Variants in HMGXB3 observed in about 807,000 individuals in gnomAD.
HMGXB3 encodes the protein HMG domain-containing protein 3.
Under a neutral mutation model 121.5 loss-of-function variants are expected in HMGXB3, and 45 were observed. That is an observed-to-expected ratio of 0.37 (90% CI 0.29 to 0.47). HMGXB3 has a LOEUF of 0.47. Among genes scored for constraint, HMGXB3 ranks in the 20% least tolerant of loss-of-function variants. The probability of loss-of-function intolerance (pLI) is 0.99; values close to 1 mark genes in which losing one functional copy is unlikely to be tolerated. For synonymous variants in HMGXB3, 590 were observed against 624.1 expected, an observed-to-expected ratio of 0.95 and a Z score of 0.81; for missense variants, 1,376 against 1,602.2, an observed-to-expected ratio of 0.86 and a Z score of 2.41.
In HMGXB3 at chr5:150,024,743, G is replaced by A. The variant is rs1485925941; in HGVS notation, c.1460+63G>A. The A allele has an allele frequency of 3.3e-5, 45 of 1,346,738 alleles. No homozygotes were observed. The South Asian group carries it at 6.4e-4, about 19-fold the overall frequency. 83.4% of individuals were successfully genotyped at this position (1,346,738 alleles called of 1,614,324 possible). ...ATGCCCCATGTTTCTTTTATCTCATGTCTGTACAGCATGCCTGAGAGAGGC... is the reference window on the plus strand; with the variant it reads ...ATGCCCCATGTTTCTTTTATCTCATATCTGTACAGCATGCCTGAGAGAGGC... On this transcript the variant is annotated intron_variant, in intron 7 of 19. Coordinates refer to ENST00000502717, the MANE Select transcript of HMGXB3 (RefSeq NM_014983.3).
Position 150,016,341 on chromosome 5 carries a change from A to C in HMGXB3, c.910-2225A>C, listed in dbSNP as rs1755959336. Among the ~76,000 whole-genome samples, 3 of 32,052 alleles carry C rather than the reference A, an allele frequency of 9.4e-5. No individual in the cohort carries two copies. In the South Asian group the frequency reaches 3.7e-3, roughly 39 times the overall value. 21.0% of individuals were successfully genotyped at this position (32,052 alleles called of 152,430 possible). ...GAGCAACAGAGTGAGACTCTGTCTC[A>C]AAAAAAAAAAAAAAAAAAAAGGAGG... is the stretch of plus-strand genomic sequence containing the variant. On this transcript the variant is annotated intron_variant, in intron 5 of 19. Transcript: ENST00000502717.
chr5:150,046,071 T>C (rs1409130283), intron 16 of HMGXB3, among the ~76,000 whole-genome samples: 1 of 152,208 alleles, frequency 6.6e-6, no homozygotes, highest in Non-Finnish European at 1.5e-5. Flanking sequence ...GCTAGTTTTA[T>C]GGATTAGACA....
chr5:150,018,831 GTA>G lies in HMGXB3; in HGVS notation c.1041+139_1041+140del, dbSNP rs1203132652. ...ACTATACAAGTAAATCATTTCCATTGTATATAGTTTGTTTAAAAAATACAAAA... is the reference window on the plus strand; with the variant it reads ...ACTATACAAGTAAATCATTTCCATTGTATAGTTTGTTTAAAAAATACAAAA... On this transcript the variant is annotated intron_variant, in intron 6 of 19. Transcript: ENST00000502717. The G allele has an allele frequency of 1.1e-5, 9 of 824,554 alleles. No homozygotes were observed. In the South Asian group the frequency reaches 2.1e-4, roughly 19 times the overall value. 51.1% of individuals were successfully genotyped at this position (824,554 alleles called of 1,614,324 possible). A position where few individuals can be genotyped will look rare whatever the true frequency, so the allele number is the denominator to read the frequency against.
At chr5:150,018,796 T>A in intron 6 of HMGXB3, 99 bp downstream of exon 6, 1 of 1,146,788 alleles carries the variant, frequency 8.7e-7, no homozygotes, top group Non-Finnish European at 1.2e-6. Flanking sequence ...ACATTTGTTT[T>A]TACTGTCTGA....
intron 16 of HMGXB3, 196 bp from the exon 17 acceptor site, chr5:150,047,428 C>A: frequency 1.7e-6 from 1 of 595,646 alleles, no homozygotes; most frequent in Non-Finnish European, 2.9e-6. Context: ...CTCAGATGTT[C>A]CAGGGCAGAA....
intron 5 of HMGXB3, 79 bp downstream of exon 5, chr5:150,012,432 C>A: frequency 3.1e-6 from 3 of 956,794 alleles, no homozygotes; most frequent in Non-Finnish European, 4.9e-6. Flanking sequence ...GTCTTTTTTT[C>A]TTTCTGAGCT....
intron 4 of HMGXB3, among the ~76,000 whole-genome samples, chr5:150,011,424 G>T (rs1361283873): frequency 1.3e-5 from 2 of 152,112 alleles, no homozygotes; most frequent in East Asian, 3.9e-4. Flanking sequence ...TCAGAGATGG[G>T]AGTCTTTCTG....
Position 150,041,773 on chromosome 5 carries a change from C to T in HMGXB3, c.2546-12C>T. The T allele has an allele frequency of 6.5e-7, 1 of 1,549,004 alleles. No homozygotes were observed. The highest frequency in any genetic ancestry group is 8.7e-7 in the Non-Finnish European group (1 of 1,145,202). On this transcript the variant is annotated splice_polypyrimidine_tract_variant and intron_variant, in intron 14 of 19. Coordinates refer to ENST00000502717, the MANE Select transcript of HMGXB3 (RefSeq NM_014983.3). ...TTCTGTGCCCTTCTCAGTGTTCTTG[C>T]TCTTCTTTCAGAGAAGACTCTGACC...
chr5:150,005,172 CT>C (rs1201861307), intron 2 of HMGXB3, among the ~76,000 whole-genome samples, 183 bp downstream of exon 2: 1 of 152,206 alleles, frequency 6.6e-6, no homozygotes, highest in Non-Finnish European at 1.5e-5. Flanking sequence ...CCAGACTTTG[CT>C]TTTGTTTTCA....
At chr5:150,038,240 G>A (rs567990287) in intron 13 of HMGXB3, among the ~76,000 whole-genome samples, 1 of 152,156 alleles carries the variant, frequency 6.6e-6, no homozygotes, top group Non-Finnish European at 1.5e-5. Context: ...TTTGTTTGTA[G>A]AATTGAGTGC....
At chr5:150,051,316 A>T (rs1756883748) in intron 19 of HMGXB3, among the ~76,000 whole-genome samples, 1 of 152,218 alleles carries the variant, frequency 6.6e-6, no homozygotes, top group South Asian at 2.1e-4. Flanking sequence ...CCCAGCCAGG[A>T]TGCATTATAG....
At chr5:150,036,417 A>T (rs2113753810) in intron 11 of HMGXB3, among the ~76,000 whole-genome samples, 1 of 152,206 alleles carries the variant, frequency 6.6e-6, no homozygotes, top group Non-Finnish European at 1.5e-5. Flanking sequence ...AGCATTTTGG[A>T]TTGGGGTGCT....
At chr5:150,048,880 C>G (rs1259631196) in intron 18 of HMGXB3, among the ~76,000 whole-genome samples, 195 bp downstream of exon 18, 1 of 152,120 alleles carries the variant, frequency 6.6e-6, no homozygotes, top group Non-Finnish European at 1.5e-5. Context: ...TTTTAAGCAC[C>G]CTACCACATC....
intron 6 of HMGXB3, 148 bp downstream of exon 6, chr5:150,018,845 TA>T: frequency 1.3e-6 from 1 of 773,790 alleles, no homozygotes. Flanking sequence ...ATAGTTTGTT[TA>T]AAAAATACAA....
chr5:150,051,332 G>T (rs1364446422), intron 19 of HMGXB3, among the ~76,000 whole-genome samples: 4 of 152,228 alleles, frequency 2.6e-5, no homozygotes, highest in Admixed American at 6.5e-5. Context: ...TATAGGAAGT[G>T]AAGGCCTCTG....
chr5:150,003,099 C>G (rs1489862428), intron 1 of HMGXB3, among the ~76,000 whole-genome samples: 1 of 152,180 alleles, frequency 6.6e-6, no homozygotes, highest in African/African-American at 2.4e-5. Context: ...GACAGGATCT[C>G]ATCACTGCAC....
At chr5:150,028,460 G>GTA (rs1396632487) in intron 9 of HMGXB3, among the ~76,000 whole-genome samples, 4 of 128,740 alleles carry the variant, frequency 3.1e-5, no homozygotes, top group Admixed American at 8.2e-5. Context: ...ATATATATAT[G>GTA]TATATATATG....
intron 5 of HMGXB3, chr5:150,015,217 A>G: frequency 4.4e-6 from 1 of 229,036 alleles, no homozygotes; most frequent in Non-Finnish European, 8.5e-6. Context: ...CTGCCCTGGT[A>G]GTTCTCATTT....
intron 9 of HMGXB3, among the ~76,000 whole-genome samples, chr5:150,029,505 G>A (rs758646583): frequency 1.2e-4 from 19 of 152,082 alleles, no homozygotes; most frequent in Non-Finnish European, 2.5e-4. Flanking sequence ...ATGACCTTCA[G>A]TAACAGGCAT....
Sources: gnomAD v4.1 joint callset for allele counts (sites outside exome capture counted in the v4.1 genomes callset) on GRCh38, gnomAD v4.1.1 for gene constraint, MANE v1.5 for transcripts, NCBI Gene and HGNC (gene_info 2026-07-23, HGNC 2026-07-21) for gene names.